MIAT: variants seen among roughly 807,000 people sequenced by gnomAD.
MIAT encodes myocardial infarction associated transcript.
At chr22:26,662,174 C>A (rs142468860) in intron 2 of MIAT, among the ~76,000 whole-genome samples, 1 of 151,844 alleles carries the variant, frequency 6.6e-6, no homozygotes, top group Non-Finnish European at 1.5e-5. Context: ...CCAGGCTGAT[C>A]GTGAACTCCT....
chr22:26,652,607 C>T (rs867491780), intron 2 of MIAT, among the ~76,000 whole-genome samples: 5 of 152,150 alleles, frequency 3.3e-5, no homozygotes, highest in African/African-American at 7.2e-5. Flanking sequence ...CTGCCCCCCT[C>T]GGCCTCCCAA....
At chr22:26,649,172 T>C (rs1452041714) in intron 2 of MIAT, among the ~76,000 whole-genome samples, 1 of 152,190 alleles carries the variant, frequency 6.6e-6, no homozygotes, top group African/African-American at 2.4e-5. Context: ...GCCCTGCAAG[T>C]GAGGTTATGT....
At chr22:26,664,145 G>A (rs952567596) in intron 3 of MIAT, among the ~76,000 whole-genome samples, 7 of 151,894 alleles carry the variant, frequency 4.6e-5, no homozygotes, top group East Asian at 1.9e-4. Flanking sequence ...CCGAGTAGCT[G>A]GGATTACAGG....
At chr22:26,649,389 C>T (rs1054728138) in intron 2 of MIAT, among the ~76,000 whole-genome samples, 1 of 152,146 alleles carries the variant, frequency 6.6e-6, no homozygotes, top group African/African-American at 2.4e-5. Flanking sequence ...CCTGGCAGTC[C>T]CTGGTGGATT....
intron 1 of MIAT, chr22:26,647,088 G>A: frequency 2.5e-6 from 1 of 398,142 alleles, no homozygotes; most frequent in Non-Finnish European, 4.4e-6. Context: ...GGAGACCCTG[G>A]GATGACACCG....
At chr22:26,654,913 C>T (rs1046807583) in intron 2 of MIAT, among the ~76,000 whole-genome samples, 36 of 152,026 alleles carry the variant, frequency 2.4e-4, no homozygotes, top group Admixed American at 2.2e-3. Flanking sequence ...GGGGTTTCAC[C>T]GTATTAGCCA....
chr22:26,666,488 G>A (rs1930847078), exon 4 of MIAT: 2 of 398,550 alleles, frequency 5.0e-6, no homozygotes, highest in African/African-American at 4.1e-5. Flanking sequence ...TGTCAAGGCA[G>A]GAAGGGTTCC....
At chr22:26,652,658 C>T (rs1488511414) in intron 2 of MIAT, among the ~76,000 whole-genome samples, 1 of 152,106 alleles carries the variant, frequency 6.6e-6, no homozygotes, top group Admixed American at 6.5e-5. Context: ...GCCTGGCCCT[C>T]TCTCTCTTTT....
Position 26,663,611 on chromosome 22 carries a change from G to A in MIAT, n.729+213G>A, listed in dbSNP as rs535409340. On this transcript the variant is annotated intron_variant and non_coding_transcript_variant, in intron 3 of 5. Coordinates refer to ENST00000643270, the Ensembl canonical transcript of MIAT. ...GGGTGGTCTGTGTGGCCTAGTGAAA[G>A]CTGAGATGATGAGGCCCTGGTGCTC... is the stretch of plus-strand genomic sequence containing the variant. The A allele has an allele frequency of 2.5e-4, 94 of 383,074 alleles. 2 individuals are homozygous for A. The East Asian group carries it at 3.3e-3, about 14-fold the overall frequency. The allele number at this position is 383,074 out of a possible 1,614,324, so 23.7% of individuals were successfully genotyped here.
intron 2 of MIAT, among the ~76,000 whole-genome samples, chr22:26,652,648 G>A (rs1008966038): frequency 1.3e-5 from 2 of 152,074 alleles, no homozygotes; most frequent in East Asian, 1.9e-4. Flanking sequence ...GAGCCACTGC[G>A]CCTGGCCCTC....
chr22:26,675,221 GA>G (rs1428103887), exon 5 of MIAT: 4 of 398,882 alleles, frequency 1.0e-5, no homozygotes, highest in Non-Finnish European at 1.8e-5. Context: ...TGTGGGTGGG[GA>G]TGAGTTCCGG....
At chr22:26,662,023 C>A (rs6005119) in intron 2 of MIAT, among the ~76,000 whole-genome samples, 87,697 of 143,824 alleles carry the variant, frequency 0.61, 27,715 homozygotes, top group Middle Eastern at 0.69. Context: ...GTGGAGCAAT[C>A]GCGGTTCACT....
intron 2 of MIAT, among the ~76,000 whole-genome samples, chr22:26,650,864 T>C (rs1361374139): frequency 6.6e-6 from 1 of 152,206 alleles, no homozygotes; most frequent in African/African-American, 2.4e-5. Context: ...GGTTTCAATC[T>C]CAGGTTTACT....
At chr22:26,668,926 C>G (rs1346940537) in exon 6 of MIAT, 1 of 398,634 alleles carries the variant, frequency 2.5e-6, no homozygotes, top group South Asian at 1.3e-4. Context: ...AAGATTTAGG[C>G]TAGGGAAATT....
rs550717679 is a variant in MIAT, at chr22:26,657,880, G to A, written n.647-5436G>A. 8.5e-5 allele frequency among the ~76,000 whole-genome samples: 13 copies of A among 152,334 alleles called. No individual in the cohort carries two copies. In the East Asian group the frequency reaches 2.1e-3, roughly 25 times the overall value. ...AGACTCTGGCTGGGATGGGGGGTGAGGTCAGGCAAGGGGAGGATGCTTTAG... is the reference window on the plus strand; with the variant it reads ...AGACTCTGGCTGGGATGGGGGGTGAAGTCAGGCAAGGGGAGGATGCTTTAG... On this transcript the variant is annotated intron_variant and non_coding_transcript_variant, in intron 2 of 5. Transcript: ENST00000643270.
At chr22:26,650,614 G>T (rs781498026) in intron 2 of MIAT, 1 of 152,268 alleles carries the variant, frequency 6.6e-6, no homozygotes, top group African/African-American at 2.4e-5. Flanking sequence ...ACATTTAGGC[G>T]CCACTGGGGG....
chr22:26,669,591 C>G, exon 6 of MIAT: 1 of 398,708 alleles, frequency 2.5e-6, no homozygotes, highest in Non-Finnish European at 4.4e-6. Flanking sequence ...ACATAGCAGG[C>G]TACTGCTTCA....
At chr22:26,649,305 A>G (rs1341837272) in intron 2 of MIAT, among the ~76,000 whole-genome samples, 6 of 152,230 alleles carry the variant, frequency 3.9e-5, no homozygotes, top group Non-Finnish European at 5.9e-5. Flanking sequence ...TCCTGAGTCC[A>G]TGTATTCACT....
chr22:26,662,175 G>A (rs965234891), intron 2 of MIAT, among the ~76,000 whole-genome samples: 4 of 151,776 alleles, frequency 2.6e-5, no homozygotes, highest in African/African-American at 4.8e-5. Flanking sequence ...CAGGCTGATC[G>A]TGAACTCCTG....
Sources: gnomAD v4.1 joint callset for allele counts (sites outside exome capture counted in the v4.1 genomes callset) on GRCh38, gnomAD v4.1.1 for gene constraint, MANE v1.5 for transcripts, NCBI Gene and HGNC (gene_info 2026-07-23, HGNC 2026-07-21) for gene names.